Variants in LCN9 observed in about 807,000 individuals in gnomAD.
The protein encoded by LCN9 is lipocalin 9, also known as epididymal-specific lipocalin-9.
Under a neutral mutation model 18.5 loss-of-function variants are expected in LCN9, and 22 were observed. The observed-to-expected ratio is 1.19, with a 90% CI of 0.85 to 1.70. LCN9 has a LOEUF of 1.70. Among genes scored for constraint, LCN9 ranks in the 40% most tolerant of loss-of-function variants. The pLI is 0.00. For missense variants in LCN9, 202 were observed against 201.3 expected, an observed-to-expected ratio of 1.00 and a Z score of -0.02; for synonymous variants, 89 against 83.0, an observed-to-expected ratio of 1.07 and a Z score of -0.39.
chr9:135,665,499 C>T lies in LCN9; in HGVS notation c.418+144C>T, dbSNP rs1048990600. 6.1e-6 allele frequency: 5 copies of T among 822,858 alleles called. No individual in the cohort carries two copies. Among genetic ancestry groups the T allele is most frequent in the Non-Finnish European group, 9.8e-6 (5 of 507,900 alleles). 51.0% of individuals were successfully genotyped at this position (822,858 alleles called of 1,614,324 possible). Reference sequence around the variant, plus strand: ...TGGCTATTCCTTCCCACAGACACACCGTTAGGGTGCTGGGTGCTTCAATCT... The same window carrying T: ...TGGCTATTCCTTCCCACAGACACACTGTTAGGGTGCTGGGTGCTTCAATCT... On this transcript the variant is annotated intron_variant, in intron 4 of 5. Transcript: ENST00000619315. This position sits in a 1 kb window ranked among gnomAD's most constrained non-coding sequence, Gnocchi z 5.9.
At position 135,664,321 on chromosome 9, in the gene LCN9, G is replaced by A. The variant is rs1406952375; in HGVS notation, c.233+23G>A. On this transcript the variant is annotated intron_variant, in intron 2 of 5. Coordinates refer to ENST00000619315, the Ensembl canonical transcript of LCN9. This position sits in a 1 kb window ranked among gnomAD's most constrained non-coding sequence, Gnocchi z 4.5. ...CATGTGCGTGTTGCCCATCTCAGCT[G>A]GCATCAGGAAGACCCATGCCCCTGC... 3 of 1,613,274 alleles carry A rather than the reference G, an allele frequency of 1.9e-6. No homozygotes were observed. The highest frequency in any genetic ancestry group is 1.7e-6 in the Non-Finnish European group (2 of 1,179,740).
intron 1 of LCN9, among the ~76,000 whole-genome samples, 172 bp from the exon 2 acceptor site, chr9:135,663,990 G>A (rs1438673440): frequency 3.8e-4 from 42 of 109,890 alleles, no homozygotes; most frequent in South Asian, 7.1e-4. Flanking sequence ...GACCTTGGGG[G>A]TAAAGGGGGG....
At chr9:135,666,252 C>A in exon 6 of LCN9, 1 of 1,091,454 alleles carries the variant, frequency 9.2e-7, no homozygotes, top group Non-Finnish European at 1.3e-6. Flanking sequence ...GTGCTCCCTC[C>A]ACCAGCTCCC....
At chr9:135,663,930 G>A (rs767352278) in intron 1 of LCN9, among the ~76,000 whole-genome samples, 4 of 142,238 alleles carry the variant, frequency 2.8e-5, no homozygotes, top group Non-Finnish European at 4.6e-5. Context: ...GAGACCTGGG[G>A]GGCAGCGGGG....
chr9:135,665,059 G>C lies in LCN9; in HGVS notation c.308-186G>C, dbSNP rs946709735. ...GGTCTGCAAGCCAATGACAAGGAGGGAGGGGGCTGTGCCGCTGCTGCCCGC... is the reference window on the plus strand; with the variant it reads ...GGTCTGCAAGCCAATGACAAGGAGGCAGGGGGCTGTGCCGCTGCTGCCCGC... On this transcript the variant is annotated intron_variant, in intron 3 of 5. Coordinates refer to ENST00000619315, the Ensembl canonical transcript of LCN9. The surrounding 1 kb of genome is among the most constrained non-coding windows in gnomAD (Gnocchi z 5.9). Among the ~76,000 whole-genome samples, 1 of 152,114 alleles carries C rather than the reference G, an allele frequency of 6.6e-6. No homozygotes were observed. Among genetic ancestry groups the C allele is most frequent in the African/African-American group, 2.4e-5 (1 of 41,412 alleles).
Position 135,665,372 on chromosome 9 carries a change from C to G in LCN9, c.418+17C>G. On this transcript the variant is annotated intron_variant, in intron 4 of 5. Coordinates refer to ENST00000619315, the Ensembl canonical transcript of LCN9. The surrounding 1 kb of genome is among the most constrained non-coding windows in gnomAD (Gnocchi z 5.9). ...CGCTCTATGGTACCTCCGCTGTCCC[C>G]CTCTGACCCCCTCGGGGACCCCACC... 2 of 1,560,590 alleles carry G rather than the reference C, an allele frequency of 1.3e-6. No individual in the cohort carries two copies. Among genetic ancestry groups the G allele is most frequent in the Non-Finnish European group, 1.7e-6 (2 of 1,149,540 alleles).
At position 135,665,917 on chromosome 9, in the gene LCN9, C is replaced by G. The variant is rs767686934; in HGVS notation, c.*66C>G. 1 of 1,609,870 alleles carries G rather than the reference C, an allele frequency of 6.2e-7. No individual in the cohort carries two copies. ...GCCCAGGCCTCCCATGCGTGAGCTG[C>G]GACTCGGGACGGGCAGGGGGCTGGA... On this transcript the variant is annotated 3_prime_UTR_variant, in exon 6 of 6. Transcript: ENST00000619315. This position sits in a 1 kb window ranked among gnomAD's most constrained non-coding sequence, Gnocchi z 5.9.
intron 1 of LCN9, among the ~76,000 whole-genome samples, chr9:135,663,924 CCT>C: frequency 1.6e-5 from 1 of 63,796 alleles, no homozygotes; most frequent in Admixed American, 1.9e-4. Context: ...ATAGGGGAGA[CCT>C]GGGGGGCAGC....
Position 135,666,916 on chromosome 9 carries a change from G to A in LCN9, c.*1065G>A, listed in dbSNP as rs1188237865. 7.9e-5 allele frequency among the ~76,000 whole-genome samples: 12 copies of A among 151,664 alleles called. No homozygotes were observed. In the South Asian group the frequency reaches 2.5e-3, roughly 32 times the overall value. ...TGTCACAGCTGAGGCAGGTGCCTGC[G>A]CCCCCGCCTCCATGTTTTGGTGAAT... On this transcript the variant is annotated 3_prime_UTR_variant, in exon 6 of 6. Coordinates refer to ENST00000619315, the Ensembl canonical transcript of LCN9.
Position 135,665,536 on chromosome 9 carries a change from T to C in LCN9, c.419-152T>C. 1.2e-6 allele frequency: 1 copy of C among 850,944 alleles called. No homozygotes were observed. The highest frequency in any genetic ancestry group is 1.6e-5 in the South Asian group (1 of 61,680). The allele number at this position is 850,944 out of a possible 1,614,324, so 52.7% of individuals were successfully genotyped here. A position where few individuals can be genotyped will look rare whatever the true frequency, so the allele number is the denominator to read the frequency against. ...GGGTGCTTCAATCTGTCACCTCCCATCTCACTTGGCACAAAGCCCCTCTCT... is the reference window on the plus strand; with the variant it reads ...GGGTGCTTCAATCTGTCACCTCCCACCTCACTTGGCACAAAGCCCCTCTCT... On this transcript the variant is annotated intron_variant, in intron 4 of 5. Coordinates refer to ENST00000619315, the Ensembl canonical transcript of LCN9. This position sits in a 1 kb window ranked among gnomAD's most constrained non-coding sequence, Gnocchi z 5.9.
intron 1 of LCN9, among the ~76,000 whole-genome samples, chr9:135,663,731 AG>A (rs1413110217): frequency 6.9e-6 from 1 of 144,904 alleles, no homozygotes; most frequent in Admixed American, 6.8e-5. Context: ...CTAGAAGTAT[AG>A]GGGAGACCTA....
In LCN9 at chr9:135,665,309, C is replaced by T. The variant is rs1382769768; in HGVS notation, c.372C>T (p.Leu124=). ...ACAGGCTGTTCATCACCTTCCACCTCCAGAACTTCAGGAACGGGACCGAGA... is the reference window on the plus strand; with the variant it reads ...ACAGGCTGTTCATCACCTTCCACCTTCAGAACTTCAGGAACGGGACCGAGA... The change falls in exon 4 of 6, where the codon CTC becomes CTT. Residue 124 remains leucine, a synonymous_variant. Coordinates refer to ENST00000619315, the Ensembl canonical transcript of LCN9. This position sits in a 1 kb window ranked among gnomAD's most constrained non-coding sequence, Gnocchi z 5.9. 21 of 1,597,656 alleles carry T rather than the reference C, an allele frequency of 1.3e-5. No homozygotes were observed. Among genetic ancestry groups the T allele is most frequent in the Non-Finnish European group, 1.8e-5 (21 of 1,173,126 alleles).
At position 135,664,572 on chromosome 9, in the gene LCN9, C is replaced by A; in HGVS notation, c.234-150C>A. On this transcript the variant is annotated intron_variant, in intron 2 of 5. Transcript: ENST00000619315. The surrounding 1 kb of genome is among the most constrained non-coding windows in gnomAD (Gnocchi z 4.5). ...GGAGATGAGGGTGTCCGGTGGGCTG[C>A]AGCAGGGCCCAGCCCAAGAACTTGG... The A allele has an allele frequency of 1.3e-6, 1 of 773,756 alleles. No individual in the cohort carries two copies. The highest frequency in any genetic ancestry group is 2.7e-5 in the East Asian group (1 of 36,850). The allele number at this position is 773,756 out of a possible 1,614,324, so 47.9% of individuals were successfully genotyped here.
chr9:135,664,789 A>G lies in LCN9; in HGVS notation c.301A>G (p.Ile101Val), dbSNP rs998723384. 1.6e-5 allele frequency: 25 copies of G among 1,585,712 alleles called. No individual in the cohort carries two copies. Among genetic ancestry groups the G allele is most frequent in the Admixed American group, 5.4e-5 (3 of 55,564 alleles). The change falls in exon 3 of 6, where the codon ATC becomes GTC. Residue 101 changes from isoleucine to valine, a missense_variant. Coordinates refer to ENST00000619315, the Ensembl canonical transcript of LCN9. The surrounding 1 kb of genome is among the most constrained non-coding windows in gnomAD (Gnocchi z 4.5). ...GACAGAGAAGAATGGGGAATACTCC[A>G]TCAACTGTAAGTGGAAGCCAGGCTC...
In LCN9 at chr9:135,664,561, C is replaced by T. The variant is rs1834184802; in HGVS notation, c.234-161C>T. On this transcript the variant is annotated intron_variant, in intron 2 of 5. Transcript: ENST00000619315. The surrounding 1 kb of genome is among the most constrained non-coding windows in gnomAD (Gnocchi z 4.5). Reference sequence around the variant, plus strand: ...GTGAGGTTCGAGGAGATGAGGGTGTCCGGTGGGCTGCAGCAGGGCCCAGCC... The same window carrying T: ...GTGAGGTTCGAGGAGATGAGGGTGTTCGGTGGGCTGCAGCAGGGCCCAGCC... 6.6e-6 allele frequency among the ~76,000 whole-genome samples: 1 copy of T among 152,016 alleles called. No individual in the cohort carries two copies. The highest frequency in any genetic ancestry group is 2.4e-5 in the African/African-American group (1 of 41,344).
At chr9:135,663,462 G>T (rs776171283) in intron 1 of LCN9, 45 bp downstream of exon 1, 2 of 1,557,376 alleles carry the variant, frequency 1.3e-6, no homozygotes, top group Admixed American at 1.7e-5. Flanking sequence ...AGGCTTCAAG[G>T]CACCTGTCTT....
chr9:135,663,416 G>C (rs1195121987), exon 1 of LCN9: 21 of 1,613,564 alleles, frequency 1.3e-5, no homozygotes, highest in Non-Finnish European at 1.7e-5. Flanking sequence ...AACGTGGCCA[G>C]GGTGTGTCTG....
chr9:135,665,562 G>T lies in LCN9; in HGVS notation c.419-126G>T. On this transcript the variant is annotated intron_variant, in intron 4 of 5. Transcript: ENST00000619315. The surrounding 1 kb of genome is among the most constrained non-coding windows in gnomAD (Gnocchi z 5.9). ...CTCACTTGGCACAAAGCCCCTCTCT[G>T]GTCAGGGCGTGACCCCCTGCCCAGC... 1 of 963,326 alleles carries T rather than the reference G, an allele frequency of 1.0e-6. No homozygotes were observed. Among genetic ancestry groups the T allele is most frequent in the South Asian group, 1.5e-5 (1 of 65,318 alleles). The allele number at this position is 963,326 out of a possible 1,614,324, so 59.7% of individuals were successfully genotyped here.
In LCN9 at chr9:135,664,559, G is replaced by C. The variant is rs1286802333; in HGVS notation, c.234-163G>C. Among the ~76,000 whole-genome samples, 2 of 152,090 alleles carry C rather than the reference G, an allele frequency of 1.3e-5. No individual in the cohort carries two copies. Among genetic ancestry groups the C allele is most frequent in the Admixed American group, 1.3e-4 (2 of 15,282 alleles). ...GGGTGAGGTTCGAGGAGATGAGGGTGTCCGGTGGGCTGCAGCAGGGCCCAG... is the reference window on the plus strand; with the variant it reads ...GGGTGAGGTTCGAGGAGATGAGGGTCTCCGGTGGGCTGCAGCAGGGCCCAG... On this transcript the variant is annotated intron_variant, in intron 2 of 5. Transcript: ENST00000619315. The surrounding 1 kb of genome is among the most constrained non-coding windows in gnomAD (Gnocchi z 4.5).
Sources: allele counts gnomAD v4.1 joint callset (sites outside exome capture counted in the v4.1 genomes callset), GRCh38; gene constraint gnomAD v4.1.1; non-coding constraint Gnocchi (gnomAD v3.1); transcripts MANE v1.5; gene names NCBI Gene and HGNC (gene_info 2026-07-23, HGNC 2026-07-21).